Variants in IQCM observed in about 807,000 individuals in gnomAD.
IQCM encodes the protein IQ domain-containing protein M.
In IQCM, 45 loss-of-function variants were observed where a neutral mutation model predicts 57.6. That is an observed-to-expected ratio of 0.78 (90% confidence interval 0.62 to 1.00). The LOEUF is 1.00. IQCM is among the 50% of genes least tolerant of loss of function. The pLI is 0.00. For missense variants in IQCM, 468 were observed against 511.6 expected (o/e 0.91, Z 0.82); for synonymous variants, 148 against 158.9 (o/e 0.93, Z 0.51).
chr4:149,669,718 A>T (rs1761078330), intron 7 of IQCM, among the ~76,000 whole-genome samples: 1 of 152,254 alleles, frequency 6.6e-6, no homozygotes, highest in African/African-American at 2.4e-5. Flanking sequence ...TCCCAGCACC[A>T]TTTATTAAAT....
intron 5 of IQCM, among the ~76,000 whole-genome samples, chr4:149,700,569 G>A (rs1008250112): frequency 6.6e-6 from 1 of 151,888 alleles, no homozygotes; most frequent in Non-Finnish European, 1.5e-5. Context: ...TGTCTTTCAG[G>A]ACAAGGATTT....
At chr4:149,562,929 G>A (rs930501107) in intron 10 of IQCM, among the ~76,000 whole-genome samples, 1 of 152,110 alleles carries the variant, frequency 6.6e-6, no homozygotes, top group African/African-American at 2.4e-5. Context: ...ATTGGAGTGG[G>A]CACTACTAAT....
intron 9 of IQCM, among the ~76,000 whole-genome samples, chr4:149,583,982 T>C (rs564382931): frequency 5.3e-5 from 8 of 151,498 alleles, no homozygotes; most frequent in Admixed American, 5.3e-4. Flanking sequence ...AATCTTTACC[T>C]TTATAAAAAT....
chr4:149,765,655 G>A (rs775207132), intron 2 of IQCM, among the ~76,000 whole-genome samples: 2 of 152,056 alleles, frequency 1.3e-5, no homozygotes, highest in Non-Finnish European at 2.9e-5. Flanking sequence ...AAATGTTAGT[G>A]TAGCTAAATG....
At chr4:149,801,525 T>A (rs1419719527) in intron 2 of IQCM, among the ~76,000 whole-genome samples, 1 of 151,990 alleles carries the variant, frequency 6.6e-6, no homozygotes, top group Non-Finnish European at 1.5e-5. Flanking sequence ...ATAAAGAACA[T>A]ATGGTACTTA....
chr4:149,581,844 G>T (rs1224551744), intron 9 of IQCM, among the ~76,000 whole-genome samples: 1 of 151,514 alleles, frequency 6.6e-6, no homozygotes, highest in Non-Finnish European at 1.5e-5. Context: ...CCAGTCATGT[G>T]ACTCTCCCAT....
chr4:149,464,780 A>AATTTAGAGCC (rs1303913182), intron 12 of IQCM, among the ~76,000 whole-genome samples: 1 of 152,184 alleles, frequency 6.6e-6, no homozygotes, highest in Non-Finnish European at 1.5e-5. Context: ...AGCCACTATC[A>AATTTAGAGCC]ACTGGTGCCT....
chr4:149,768,304 T>C (rs188845331), intron 2 of IQCM, among the ~76,000 whole-genome samples: 1 of 152,248 alleles, frequency 6.6e-6, no homozygotes, highest in East Asian at 1.9e-4. Context: ...TTTGCCCACA[T>C]CACACAATCT....
intron 7 of IQCM, among the ~76,000 whole-genome samples, chr4:149,636,476 A>G (rs752802926): frequency 3.9e-5 from 6 of 152,072 alleles, no homozygotes; most frequent in Non-Finnish European, 8.8e-5. Context: ...ACGTGTGTGG[A>G]TCCTCTTTTG....
intron 5 of IQCM, among the ~76,000 whole-genome samples, chr4:149,703,083 A>C (rs2149815665): frequency 6.6e-6 from 1 of 152,070 alleles, no homozygotes; most frequent in African/African-American, 2.4e-5. Flanking sequence ...CTTAATCCAA[A>C]TGCTAAGTTG....
intron 12 of IQCM, among the ~76,000 whole-genome samples, chr4:149,515,478 C>T (rs139322229): frequency 1.3e-5 from 2 of 152,336 alleles, no homozygotes; most frequent in African/African-American, 2.4e-5. Flanking sequence ...TGCCTTCTCT[C>T]CCTCAGCCTG....
chr4:149,366,397 T>C (rs1729846472), intron 13 of IQCM, among the ~76,000 whole-genome samples: 1 of 151,874 alleles, frequency 6.6e-6, no homozygotes, highest in Admixed American at 6.6e-5. Context: ...GGTCTACTCC[T>C]CTATGATCCT....
intron 13 of IQCM, among the ~76,000 whole-genome samples, chr4:149,356,015 T>C (rs902475135): frequency 1.3e-5 from 2 of 152,244 alleles, no homozygotes; most frequent in African/African-American, 4.8e-5. Flanking sequence ...CATTTTTTCA[T>C]GTGTTTTTTG....
At chr4:149,355,501 T>C (rs532069264) in intron 13 of IQCM, among the ~76,000 whole-genome samples, 123 of 151,716 alleles carry the variant, frequency 8.1e-4, no homozygotes, top group South Asian at 6.0e-3. Context: ...GTGTTTGGTT[T>C]TTTGTCCTTG....
At chr4:149,815,045 G>T (rs1409642650) in intron 2 of IQCM, among the ~76,000 whole-genome samples, 2 of 151,872 alleles carry the variant, frequency 1.3e-5, no homozygotes, top group Admixed American at 6.6e-5. Flanking sequence ...CTTTGTAAGA[G>T]GCTTCTCAAA....
chr4:149,396,478 A>G (rs1002031090), intron 13 of IQCM, among the ~76,000 whole-genome samples: 2 of 151,976 alleles, frequency 1.3e-5, no homozygotes, highest in Non-Finnish European at 2.9e-5. Flanking sequence ...ATACAGCTCT[A>G]CATCTTGTTT....
intron 13 of IQCM, among the ~76,000 whole-genome samples, chr4:149,402,560 G>C (rs779860741): frequency 2.0e-5 from 3 of 151,806 alleles, no homozygotes; most frequent in Admixed American, 6.6e-5. Context: ...CAGAATAAGA[G>C]AGGAGAGAAT....
intron 2 of IQCM, among the ~76,000 whole-genome samples, chr4:149,811,338 T>C (rs1472409455): frequency 2.0e-5 from 3 of 152,208 alleles, no homozygotes; most frequent in Admixed American, 6.5e-5. Context: ...AATTAATCCA[T>C]AACCATGTTT....
At chr4:149,483,857 G>C (rs1383521612) in intron 12 of IQCM, among the ~76,000 whole-genome samples, 1 of 151,952 alleles carries the variant, frequency 6.6e-6, no homozygotes, top group Non-Finnish European at 1.5e-5. Context: ...ATCCAGTGCT[G>C]AATCTGGGGT....
Sources: gnomAD v4.1 joint callset for allele counts (sites outside exome capture counted in the v4.1 genomes callset) on GRCh38, gnomAD v4.1.1 for gene constraint, MANE v1.5 for transcripts, NCBI Gene and HGNC (gene_info 2026-07-23, HGNC 2026-07-21) for gene names.